SYNE3: variants seen among roughly 807,000 people sequenced by gnomAD.
The protein encoded by SYNE3 is spectrin repeat containing nuclear envelope family member 3, also known as nesprin-3.
In SYNE3, 100 loss-of-function variants were observed where a neutral mutation model predicts 111.2. The observed-to-expected ratio is 0.90, with a 90% CI of 0.77 to 1.06. The LOEUF is 1.06. SYNE3 is among the 50% of genes least tolerant of loss of function. SYNE3 has a pLI of 0.00. For synonymous variants in SYNE3, 547 were observed against 533.9 expected, an observed-to-expected ratio of 1.02 and a Z score of -0.34; for missense variants, 1,160 against 1,240.3, an observed-to-expected ratio of 0.94 and a Z score of 0.97.
At chr14:95,445,014 C>G (rs1020794204) in intron 9 of SYNE3, among the ~76,000 whole-genome samples, 10 of 152,362 alleles carry the variant, frequency 6.6e-5, no homozygotes, top group East Asian at 3.9e-4. Flanking sequence ...GACTCTAAAA[C>G]CTTCACTGTC....
intron 4 of SYNE3, among the ~76,000 whole-genome samples, chr14:95,465,518 T>C (rs1888108381): frequency 1.3e-5 from 2 of 151,846 alleles, no homozygotes; most frequent in African/African-American, 4.8e-5. Flanking sequence ...GCTGGGTTGA[T>C]GGGTAGGTGA....
intron 1 of SYNE3, among the ~76,000 whole-genome samples, chr14:95,504,650 C>T (rs920828915): frequency 6.6e-6 from 1 of 152,138 alleles, no homozygotes; most frequent in African/African-American, 2.4e-5. Context: ...GTCCCACCTT[C>T]CCAGGGCCTC....
At chr14:95,502,933 C>CA (rs1349933815) in intron 1 of SYNE3, among the ~76,000 whole-genome samples, 1 of 152,172 alleles carries the variant, frequency 6.6e-6, no homozygotes, top group Non-Finnish European at 1.5e-5. Flanking sequence ...AGAAAACAGT[C>CA]AGAGTGGTGC....
intron 4 of SYNE3, among the ~76,000 whole-genome samples, chr14:95,463,173 T>C (rs1887945835): frequency 6.6e-6 from 1 of 151,046 alleles, no homozygotes; most frequent in Non-Finnish European, 1.5e-5. Context: ...AAAAAAAGAG[T>C]CCAATAACAA....
In SYNE3 at chr14:95,455,539, G is replaced by A. The variant is rs772909314; in HGVS notation, c.975C>T (p.Gly325=). ...LWEEEEERLR[G]LLRSRGAWEQ... is the part of the protein sequence containing the mutation. ...CCCAGGCTCCCCTGGACCGGAGCAG[G>A]CCCCGCAGCCGCTCCTCCTCCTCCT... Residue 325 remains glycine (G), a synonymous_variant, in exon 6 of 18, where the codon GGC becomes GGT. Transcript: ENST00000682763. 2.5e-6 allele frequency: 4 copies of A among 1,613,886 alleles called. No individual in the cohort carries two copies. Among genetic ancestry groups the A allele is most frequent in the East Asian group, 2.2e-5 (1 of 44,884 alleles).
At position 95,504,482 on chromosome 14, in the gene SYNE3, G is replaced by A. The variant is rs150633742; in HGVS notation, c.-15+12114C>T. Among the ~76,000 whole-genome samples, 710 of 152,310 alleles carry A rather than the reference G, an allele frequency of 4.7e-3. 7 individuals are homozygous for A. The highest frequency in any genetic ancestry group is 0.015 in the African/African-American group (620 of 41,552). ...CAAAGGTTTCCAAATGCTAAGAATC[G>A]TGTCTCCATCAAGGCTTTCCCTCTG... On this transcript the variant is annotated intron_variant, in intron 1 of 17. Transcript: ENST00000682763.
chr14:95,467,896 C>T lies in SYNE3; in HGVS notation c.216G>A (p.Leu72=). 1 of 1,614,226 alleles carries T rather than the reference C, an allele frequency of 6.2e-7. No homozygotes were observed. The highest frequency in any genetic ancestry group is 1.1e-5 in the South Asian group (1 of 91,088). Residue 72 remains leucine, a synonymous_variant, in exon 3 of 18, where the codon TTG becomes TTA. Coordinates refer to ENST00000682763, the MANE Select transcript of SYNE3 (RefSeq NM_152592.6). The part of the protein sequence containing the change: ...DLVLRMAEAL[L]ACCPGDQKPG... ...GCTTCTGGTCCCCAGGGCAGCATGC[C>T]AAGAGGGCTTCAGCCATCCGTAGCA...
chr14:95,504,580 G>A (rs978755113), intron 1 of SYNE3, among the ~76,000 whole-genome samples: 2 of 152,222 alleles, frequency 1.3e-5, no homozygotes, highest in Admixed American at 1.3e-4. Context: ...TGTCACAGTT[G>A]TTCTGCTGAA....
chr14:95,442,336 T>C (rs1886456483), intron 11 of SYNE3, among the ~76,000 whole-genome samples: 1 of 152,214 alleles, frequency 6.6e-6, no homozygotes, highest in South Asian at 2.1e-4. Flanking sequence ...ATAATTACTT[T>C]CCTTTGATTT....
At chr14:95,507,078 A>T (rs766865923) in intron 1 of SYNE3, among the ~76,000 whole-genome samples, 77 of 152,238 alleles carry the variant, frequency 5.1e-4, no homozygotes, top group Non-Finnish European at 9.4e-4. Flanking sequence ...CGGCACCTGC[A>T]CCCCCACCTT....
chr14:95,452,176 G>A lies in SYNE3; in HGVS notation c.1274+71C>T, dbSNP rs6575514. ...CTATGTTGTAGGAGAAAGCAAGCCC[G>A]CCTTCTGGAGATGGGGAAATGTGGG... On this transcript the variant is annotated intron_variant, in intron 7 of 17. Transcript: ENST00000682763. The A allele has an allele frequency of 0.086, 126,999 of 1,477,660 alleles. 6,032 individuals carry two copies. Among genetic ancestry groups the A allele is most frequent in the Middle Eastern group, 0.14 (792 of 5,492 alleles). The allele number at this position is 1,477,660 out of a possible 1,614,324, so 91.5% of individuals were successfully genotyped here.
In SYNE3 at chr14:95,439,515, C is replaced by A. The variant is rs187931067; in HGVS notation, c.2246+97G>T. 55 of 1,515,628 alleles carry A rather than the reference C, an allele frequency of 3.6e-5. No individual in the cohort carries two copies. The Admixed American group carries it at 3.7e-4, about 10-fold the overall frequency. The allele number at this position is 1,515,628 out of a possible 1,614,324, so 93.9% of individuals were successfully genotyped here. On this transcript the variant is annotated intron_variant, in intron 13 of 17. Transcript: ENST00000682763. The stretch of plus-strand genomic sequence containing the variant: ...CCACGGCCCCTGGCTCCACACTGGG[C>A]AGCACCCTGGCCCTCTGCTCCACGA...
At chr14:95,471,807 G>T (rs909548170) in intron 2 of SYNE3, among the ~76,000 whole-genome samples, 1 of 152,192 alleles carries the variant, frequency 6.6e-6, no homozygotes, top group Non-Finnish European at 1.5e-5. Flanking sequence ...CCAATTTGTC[G>T]CAGCCAATGA....
At chr14:95,451,422 T>C (rs1404939364) in intron 7 of SYNE3, 1 of 152,146 alleles carries the variant, frequency 6.6e-6, no homozygotes, top group Non-Finnish European at 1.5e-5. Flanking sequence ...ACCTGAAATC[T>C]CAGTGAGAGA....
chr14:95,440,079 C>T lies in SYNE3; in HGVS notation c.1912-4G>A. The T allele has an allele frequency of 5.0e-6, 8 of 1,593,898 alleles. No homozygotes were observed. The highest frequency in any genetic ancestry group is 6.8e-6 in the Non-Finnish European group (8 of 1,174,164). ...GCCGACACCTGTCCACAAGGTCCTGCAGCACAGCCCGGGGAGCCCAGGGCA... is the reference window on the plus strand; with the variant it reads ...GCCGACACCTGTCCACAAGGTCCTGTAGCACAGCCCGGGGAGCCCAGGGCA... On this transcript the variant is annotated splice_region_variant and splice_polypyrimidine_tract_variant and intron_variant, in intron 11 of 17. Coordinates refer to ENST00000682763, the MANE Select transcript of SYNE3 (RefSeq NM_152592.6).
chr14:95,481,138 G>A (rs542621032), intron 1 of SYNE3, among the ~76,000 whole-genome samples: 52 of 152,342 alleles, frequency 3.4e-4, no homozygotes, highest in Non-Finnish European at 6.3e-4. Context: ...ATAAGAATGC[G>A]CAGACTGCAG....
intron 1 of SYNE3, among the ~76,000 whole-genome samples, chr14:95,497,236 C>G (rs775311442): frequency 2.0e-5 from 3 of 152,160 alleles, no homozygotes; most frequent in Non-Finnish European, 2.9e-5. Flanking sequence ...ACTTTGCTGC[C>G]AAATAAGCTA....
At chr14:95,440,686 T>C (rs1233289491) in intron 11 of SYNE3, among the ~76,000 whole-genome samples, 1 of 152,142 alleles carries the variant, frequency 6.6e-6, no homozygotes. Flanking sequence ...AAGAAAACAT[T>C]CTGTCCAATT....
intron 1 of SYNE3, among the ~76,000 whole-genome samples, chr14:95,487,483 G>T (rs761354217): frequency 1.3e-5 from 2 of 152,140 alleles, no homozygotes; most frequent in Non-Finnish European, 2.9e-5. Flanking sequence ...CTGAGGAGGG[G>T]TTTGTCATGT....
Sources: gnomAD v4.1 joint callset for allele counts (sites outside exome capture counted in the v4.1 genomes callset) on GRCh38, gnomAD v4.1.1 for gene constraint, MANE v1.5 for transcripts, NCBI Gene and HGNC (gene_info 2026-07-23, HGNC 2026-07-21) for gene names.